The following OSBPL10 variants were observed in gnomAD, a reference collection of about 807,000 sequenced individuals.
OSBPL10 encodes oxysterol binding protein like 10, also known as oxysterol-binding protein-related protein 10.
OSBPL10 carries 49 observed loss-of-function variants against 81.7 expected under a neutral mutation model. That is an observed-to-expected ratio of 0.60 (90% CI 0.48 to 0.76). The LOEUF is 0.76. Among genes scored for constraint, OSBPL10 ranks in the 30% least tolerant of loss-of-function variants. The pLI is 0.00. For synonymous variants in OSBPL10, 419 were observed against 383.6 expected (o/e 1.09, Z -1.08); for missense variants, 923 against 987.8 (o/e 0.93, Z 0.88).
intron 2 of OSBPL10, among the ~76,000 whole-genome samples, chr3:31,999,939 T>TA (rs796172080): frequency 4.7e-4 from 71 of 152,306 alleles, no homozygotes; most frequent in African/African-American, 1.6e-3. Context: ...AAAATGTTCA[T>TA]AAGAGCCTCT....
chr3:31,821,762 T>C (rs1699986963), intron 4 of OSBPL10, among the ~76,000 whole-genome samples: 1 of 152,220 alleles, frequency 6.6e-6, no homozygotes. Context: ...ATTCACTTTA[T>C]ACCCTAAATG....
chr3:31,954,378 C>G (rs552374626), intron 1 of OSBPL10, among the ~76,000 whole-genome samples: 83 of 152,290 alleles, frequency 5.5e-4, no homozygotes, highest in African/African-American at 1.9e-3. Context: ...ATGAGGAGGG[C>G]TTCTGGTTCT....
chr3:31,710,032 G>A (rs1696200561), intron 6 of OSBPL10, among the ~76,000 whole-genome samples: 2 of 152,204 alleles, frequency 1.3e-5, no homozygotes, highest in African/African-American at 4.8e-5. Context: ...AAAAGTCATA[G>A]TGAGGATAAG....
chr3:31,958,775 C>T (rs1698079288), intron 1 of OSBPL10, among the ~76,000 whole-genome samples: 1 of 152,088 alleles, frequency 6.6e-6, no homozygotes, highest in Non-Finnish European at 1.5e-5. Flanking sequence ...CAAATCCAGC[C>T]CACCACTTAT....
Position 32,015,092 on chromosome 3 carries a change from C to A in OSBPL10, n.298+31399G>T, listed in dbSNP as rs554438758. On this transcript the variant is annotated intron_variant and non_coding_transcript_variant, in intron 2 of 3. Transcript: ENST00000479173. ...ACTTTCTTCACACAATTGGAAAAAA[C>A]CACTTTAAAGTTCATATGGAACCAA... Among the ~76,000 whole-genome samples, 8 of 152,294 alleles carry A rather than the reference C, an allele frequency of 5.3e-5. No homozygotes were observed. The South Asian group carries it at 6.2e-4, about 12-fold the overall frequency.
intron 2 of OSBPL10, among the ~76,000 whole-genome samples, chr3:32,024,546 G>A (rs1575087553): frequency 1.4e-5 from 2 of 141,838 alleles, no homozygotes; most frequent in East Asian, 2.2e-4. Flanking sequence ...GCTGGAGTGC[G>A]ATGGCATGAT....
chr3:31,826,910 A>G (rs1700114528), intron 4 of OSBPL10, among the ~76,000 whole-genome samples: 1 of 152,188 alleles, frequency 6.6e-6, no homozygotes, highest in East Asian at 1.9e-4. Context: ...GGGGCTCGGC[A>G]CCCTAAAATT....
In OSBPL10 at chr3:31,850,122, G is replaced by A. The variant is rs375816552; in HGVS notation, c.538-19891C>T. On this transcript the variant is annotated intron_variant, in intron 3 of 11. Coordinates refer to ENST00000396556, the MANE Select transcript of OSBPL10 (RefSeq NM_017784.5). Reference sequence around the variant, plus strand: ...GGAGGTTGCAGTGAGCCGAGGTCACGCCACTGCACTCCAGCCTGGGTGACA... The same window carrying A: ...GGAGGTTGCAGTGAGCCGAGGTCACACCACTGCACTCCAGCCTGGGTGACA... Among the ~76,000 whole-genome samples, 6 of 152,130 alleles carry A rather than the reference G, an allele frequency of 3.9e-5. No individual in the cohort carries two copies. In the East Asian group the frequency reaches 9.6e-4, roughly 24 times the overall value.
intron 2 of OSBPL10, among the ~76,000 whole-genome samples, chr3:32,022,143 A>C (rs144058806): frequency 8.7e-4 from 132 of 152,268 alleles, no homozygotes; most frequent in Middle Eastern, 3.4e-3. Context: ...AGTCCAGCTT[A>C]TCTATTTTTT....
chr3:31,932,970 T>C (rs59787204), intron 1 of OSBPL10, among the ~76,000 whole-genome samples: 22,570 of 152,146 alleles, frequency 0.15, 1,989 homozygotes, highest in South Asian at 0.26. Flanking sequence ...TTTTATATAC[T>C]GCAATAAACT....
chr3:31,882,400 C>T (rs1695607491), intron 1 of OSBPL10, among the ~76,000 whole-genome samples: 1 of 152,152 alleles, frequency 6.6e-6, no homozygotes, highest in Non-Finnish European at 1.5e-5. Context: ...CCCAAGCCGG[C>T]AGTAACAACA....
intron 1 of OSBPL10, among the ~76,000 whole-genome samples, chr3:31,965,827 AATATATAATATATATTATATAAAAAGAT>A (rs1559535381): frequency 2.3e-4 from 20 of 85,766 alleles, no homozygotes; most frequent in African/African-American, 1.1e-3. Context: ...ATATTATATA[AATATATAATATATATTATATAAAAAGAT>A]AATATATAAT....
At chr3:32,068,433 T>C (rs1699798706) in intron 1 of OSBPL10, among the ~76,000 whole-genome samples, 1 of 152,176 alleles carries the variant, frequency 6.6e-6, no homozygotes, top group Admixed American at 6.5e-5. Flanking sequence ...TCCGTGTCTC[T>C]ACCCTTCTCT....
chr3:31,705,252 C>T (rs562686007), intron 6 of OSBPL10, among the ~76,000 whole-genome samples: 3 of 152,318 alleles, frequency 2.0e-5, no homozygotes, highest in East Asian at 1.9e-4. Context: ...AATTCTCCTA[C>T]CCAGCCTCAA....
chr3:31,990,000 T>C, intron 2 of OSBPL10: 1 of 1,614,110 alleles, frequency 6.2e-7, no homozygotes, highest in South Asian at 1.1e-5. Context: ...ATCATAGACT[T>C]CATACTGGAG....
intron 6 of OSBPL10, among the ~76,000 whole-genome samples, chr3:31,708,223 C>A (rs1209388226): frequency 2.0e-5 from 3 of 152,206 alleles, no homozygotes; most frequent in African/African-American, 7.2e-5. Context: ...CAGGCATGAA[C>A]CACTGCACCC....
At chr3:31,676,362 A>T (rs1026308199) in intron 8 of OSBPL10, among the ~76,000 whole-genome samples, 2 of 151,798 alleles carry the variant, frequency 1.3e-5, no homozygotes, top group African/African-American at 4.8e-5. Context: ...AATATAAGTT[A>T]CTTCTTCATT....
intron 2 of OSBPL10, among the ~76,000 whole-genome samples, chr3:32,010,258 C>T (rs1449920440): frequency 6.6e-6 from 1 of 152,008 alleles, no homozygotes; most frequent in Non-Finnish European, 1.5e-5. Context: ...GCAGGAGAAA[C>T]CAAGACTGCC....
intron 1 of OSBPL10, among the ~76,000 whole-genome samples, chr3:31,980,097 G>A (rs570709256): frequency 8.6e-5 from 13 of 151,446 alleles, no homozygotes; most frequent in Non-Finnish European, 1.6e-4. Flanking sequence ...CTCTGCCTCC[G>A]GGGTTCAAGC....
Sources: allele counts gnomAD v4.1 joint callset (sites outside exome capture counted in the v4.1 genomes callset), GRCh38; gene constraint gnomAD v4.1.1; transcripts MANE v1.5; gene names NCBI Gene and HGNC (gene_info 2026-07-23, HGNC 2026-07-21).